The following NPL variants were observed in gnomAD, a reference collection of about 807,000 sequenced individuals.
NPL encodes N-acetylneuraminate lyase.
A neutral mutation model predicts 41.1 loss-of-function variants in NPL; 32 were observed. The ratio of observed to expected loss-of-function variants is 0.78; its 90% CI spans 0.59 to 1.05. NPL has a LOEUF of 1.05. Ranked by LOEUF, NPL falls within the 50% of genes least tolerant of loss-of-function variation. The pLI is 0.00. For synonymous variants in NPL, 128 were observed against 134.9 expected, an observed-to-expected ratio of 0.95 and a Z score of 0.35; for missense variants, 321 against 378.4, an observed-to-expected ratio of 0.85 and a Z score of 1.26.
chr1:182,805,128 A>G lies in NPL; in HGVS notation c.143-1017A>G, dbSNP rs75419402. ...TGCCATAGGCATCTTTCTGTGATCC[A>G]TTAAGAAATGATTGTAGTAGGCCGG... On this transcript the variant is annotated intron_variant, in intron 4 of 12. Transcript: ENST00000367553. Among the ~76,000 whole-genome samples, 499 of 152,262 alleles carry G rather than the reference A, an allele frequency of 3.3e-3. 2 individuals are homozygous for G. The highest frequency in any genetic ancestry group is 6.3e-3 in the Admixed American group (97 of 15,286).
At chr1:182,818,505 T>C (rs1440329692) in intron 8 of NPL, 36 bp from the exon 9 acceptor site, 2 of 1,611,562 alleles carry the variant, frequency 1.2e-6, no homozygotes, top group African/African-American at 1.3e-5. Flanking sequence ...TTCCTAGAGA[T>C]GTGCAGATTA....
chr1:182,805,996 AG>A, intron 4 of NPL, 148 bp from the exon 5 acceptor site: 1 of 880,380 alleles, frequency 1.1e-6, no homozygotes, highest in Non-Finnish European at 1.8e-6. Flanking sequence ...AGTGGAAAAA[AG>A]ATGGAGTCTG....
intron 7 of NPL, 65 bp from the exon 8 acceptor site, chr1:182,816,649 T>C: frequency 2.5e-6 from 3 of 1,181,432 alleles, no homozygotes; most frequent in Non-Finnish European, 3.8e-6. Flanking sequence ...ATGATTCTCT[T>C]TTTTACCAGG....
At chr1:182,820,582 T>A (rs779340266) in intron 10 of NPL, among the ~76,000 whole-genome samples, 23 of 152,208 alleles carry the variant, frequency 1.5e-4, no homozygotes, top group Non-Finnish European at 7.3e-5. Context: ...CTGCAGGCTG[T>A]ACAGGAAGCA....
In NPL at chr1:182,816,707, C is replaced by A; in HGVS notation, c.365-7C>A. On this transcript the variant is annotated splice_polypyrimidine_tract_variant and splice_region_variant and intron_variant, in intron 7 of 12. Coordinates refer to ENST00000367553, the MANE Select transcript of NPL (RefSeq NM_030769.3). ...TCACACCATGACTGTTCCTACTGTT[C>A]TTTCAGATATCCTGATTAATTTCCT... The A allele has an allele frequency of 6.2e-7, 1 of 1,607,988 alleles. No individual in the cohort carries two copies. Among genetic ancestry groups the A allele is most frequent in the South Asian group, 1.1e-5 (1 of 90,908 alleles).
intron 1 of NPL, among the ~76,000 whole-genome samples, chr1:182,790,800 C>A (rs370827788): frequency 6.6e-6 from 1 of 152,192 alleles, no homozygotes; most frequent in African/African-American, 2.4e-5. Flanking sequence ...CCCGCCACCA[C>A]GCCCGGCTAA....
At chr1:182,821,476 C>T (rs939728313) in intron 10 of NPL, among the ~76,000 whole-genome samples, 2 of 152,236 alleles carry the variant, frequency 1.3e-5, no homozygotes, top group East Asian at 3.9e-4. Flanking sequence ...CAATGGAAAG[C>T]TTTCATGGAA....
chr1:182,817,292 C>T (rs1667360915), intron 8 of NPL, among the ~76,000 whole-genome samples: 1 of 151,882 alleles, frequency 6.6e-6, no homozygotes, highest in Non-Finnish European at 1.5e-5. Flanking sequence ...TTTTAAAATC[C>T]CACTCTTTTC....
chr1:182,816,662 AGC>A (rs1667339713), intron 7 of NPL, 50 bp from the exon 8 acceptor site: 1 of 1,269,068 alleles, frequency 7.9e-7, no homozygotes, highest in African/African-American at 1.5e-5. Context: ...TTACCAGGAA[AGC>A]CACTGTTTTA....
In NPL at chr1:182,806,422, G is replaced by A. The variant is rs879936468; in HGVS notation, c.230+190G>A. ...AGCCCCCTCCCTTTCTGTGCAGAAG[G>A]GCAGCCAAACTGCTAGACACACCTG... On this transcript the variant is annotated intron_variant, in intron 5 of 12. Coordinates refer to ENST00000367553, the MANE Select transcript of NPL (RefSeq NM_030769.3). The A allele has an allele frequency of 6.5e-6, 10 of 1,538,422 alleles. No homozygotes were observed. In the Admixed American group the frequency reaches 9.8e-5, roughly 15 times the overall value.
intron 8 of NPL, among the ~76,000 whole-genome samples, chr1:182,817,241 G>A (rs1667360055): frequency 6.6e-6 from 1 of 151,972 alleles, no homozygotes; most frequent in South Asian, 2.1e-4. Flanking sequence ...GTATTTCTCC[G>A]AGAGAAGAGT....
intron 4 of NPL, among the ~76,000 whole-genome samples, chr1:182,805,786 C>T (rs1666990380): frequency 6.6e-6 from 1 of 152,196 alleles, no homozygotes; most frequent in Admixed American, 6.5e-5. Flanking sequence ...ACTTATTTGA[C>T]ATCCTGGTAC....
At chr1:182,792,348 C>G (rs1666539126) in intron 2 of NPL, 62 bp downstream of exon 2, 1 of 152,156 alleles carries the variant, frequency 6.6e-6, no homozygotes, top group Admixed American at 6.5e-5. Context: ...CCCTCTCACC[C>G]CTCTACAGTA....
chr1:182,816,451 G>A (rs1226582728), intron 7 of NPL, among the ~76,000 whole-genome samples: 1 of 152,120 alleles, frequency 6.6e-6, no homozygotes, highest in East Asian at 1.9e-4. Flanking sequence ...TATATGGGAA[G>A]GTTTTCATCA....
At chr1:182,796,244 A>G (rs897470025) in intron 3 of NPL, among the ~76,000 whole-genome samples, 1 of 151,364 alleles carries the variant, frequency 6.6e-6, no homozygotes, top group Non-Finnish European at 1.5e-5. Flanking sequence ...TGTATAGCAC[A>G]GAGTAGGCAT....
At position 182,794,397 on chromosome 1, in the gene NPL, A is replaced by G. The variant is rs770996414; in HGVS notation, c.26A>G (p.Gln9Arg). ...ATGGCCTTCCCAAAGAAGAAACTTC[A>G]GGGTCTTGTGGCTGCAACCATCACG... MAFPKKKL[Q>R]GLVAATITPM... The change falls in exon 3 of 13, where the codon CAG becomes CGG. Residue 9 changes from glutamine (Q) to arginine (R), a missense_variant. Physicochemically the swap from Gln to Arg is conservative, Grantham distance 43 (BLOSUM62 1). Coordinates refer to ENST00000367553, the MANE Select transcript of NPL (RefSeq NM_030769.3). The G allele has an allele frequency of 6.2e-7, 1 of 1,614,214 alleles. No individual in the cohort carries two copies. The highest frequency in any genetic ancestry group is 1.7e-5 in the Admixed American group (1 of 60,032).
rs755774170 is a variant in NPL, at chr1:182,828,229, C to T, written c.779-495C>T. Among the ~76,000 whole-genome samples the T allele has an allele frequency of 1.1e-4, 16 of 152,174 alleles. No homozygotes were observed. Among genetic ancestry groups the T allele is most frequent in the Non-Finnish European group, 2.4e-4 (16 of 68,018 alleles). ...CTTCATTTTCCATTCCCATCCCAGCCGTATAACACCAGCATGAAAACAGCA... is the reference window on the plus strand; with the variant it reads ...CTTCATTTTCCATTCCCATCCCAGCTGTATAACACCAGCATGAAAACAGCA... On this transcript the variant is annotated intron_variant, in intron 12 of 12. Transcript: ENST00000367553. The surrounding 1 kb of genome is among the most constrained non-coding windows in gnomAD (Gnocchi z 4.0).
Position 182,829,626 on chromosome 1 carries a change from A to G in NPL, c.*718A>G, listed in dbSNP as rs763969582. On this transcript the variant is annotated 3_prime_UTR_variant, in exon 13 of 13. Coordinates refer to ENST00000367553, the MANE Select transcript of NPL (RefSeq NM_030769.3). ...AGAAAACTCAAAACTCAAAGTTTCA[A>G]AGAACCAAAGGACTCTTCCTCTGGG... 6.2e-5 allele frequency: 96 copies of G among 1,550,768 alleles called. No individual in the cohort carries two copies. The highest frequency in any genetic ancestry group is 1.5e-4 in the African/African-American group (11 of 73,174).
Position 182,829,434 on chromosome 1 carries a change from T to C in NPL, c.*526T>C. 7.0e-7 allele frequency: 1 copy of C among 1,424,486 alleles called. No homozygotes were observed. Among genetic ancestry groups the C allele is most frequent in the East Asian group, 2.6e-5 (1 of 37,916 alleles). 88.2% of individuals were successfully genotyped at this position (1,424,486 alleles called of 1,614,324 possible). On this transcript the variant is annotated 3_prime_UTR_variant, in exon 13 of 13. Transcript: ENST00000367553. ...TTGGCTGCTCAGTCTAACTCTAGAA[T>C]GGATGCTTTTGAATTCATTTCGATG... is the stretch of plus-strand genomic sequence containing the variant.
Sources: allele counts gnomAD v4.1 joint callset (sites outside exome capture counted in the v4.1 genomes callset), GRCh38; gene constraint gnomAD v4.1.1; non-coding constraint Gnocchi (gnomAD v3.1); transcripts MANE v1.5; gene names NCBI Gene and HGNC (gene_info 2026-07-23, HGNC 2026-07-21).